The following BASP1 variants were observed in gnomAD, a reference collection of about 807,000 sequenced individuals.
BASP1 encodes brain abundant membrane attached signal protein 1.
A neutral mutation model predicts 2.2 loss-of-function variants in BASP1; 1 was observed. That is an observed-to-expected ratio of 0.46 (90% CI 0.16 to 2.17). BASP1 has a LOEUF of 2.17. Among genes scored for constraint, BASP1 ranks in the 30% most tolerant of loss-of-function variants. BASP1 has a pLI of 0.27. For synonymous variants in BASP1, 187 were observed against 154.2 expected, an observed-to-expected ratio of 1.21 and a Z score of -1.58; for missense variants, 352 against 327.2, an observed-to-expected ratio of 1.08 and a Z score of -0.58.
chr5:17,276,006 C>T lies in BASP1; in HGVS notation c.*106C>T, dbSNP rs1178112130. On this transcript the variant is annotated 3_prime_UTR_variant, in exon 2 of 2. Coordinates refer to ENST00000322611, the MANE Select transcript of BASP1 (RefSeq NM_006317.5). ...CTATCTCCTCTCTCTCTCTCCTCTC[C>T]TATCTCTCCTCTCTCTCTCTCCTAT... 1 of 970,490 alleles carries T rather than the reference C, an allele frequency of 1.0e-6. No homozygotes were observed. Among genetic ancestry groups the T allele is most frequent in the Non-Finnish European group, 1.4e-6 (1 of 697,040 alleles). 60.1% of individuals were successfully genotyped at this position (970,490 alleles called of 1,614,324 possible). A position where few individuals can be genotyped will look rare whatever the true frequency, so the allele number is the denominator to read the frequency against.
rs566532646 is a variant in BASP1 at position 17,263,281 on chromosome 5, T to C, written c.-9-11927T>C. Among the ~76,000 whole-genome samples the C allele has an allele frequency of 5.4e-5, 8 of 148,880 alleles. No individual in the cohort carries two copies. In the South Asian group the frequency reaches 1.7e-3, roughly 31 times the overall value. The stretch of plus-strand genomic sequence containing the variant: ...TTATGGGGTACAAAGTAGTATTACA[T>C]TTTTTTTTTAACATTTCTTTTCTTT... On this transcript the variant is annotated intron_variant, in intron 1 of 1. Transcript: ENST00000322611.
At chr5:17,248,651 T>C (rs540880222) in intron 1 of BASP1, among the ~76,000 whole-genome samples, 1 of 152,294 alleles carries the variant, frequency 6.6e-6, no homozygotes, top group Admixed American at 6.5e-5. Flanking sequence ...ACTTCGGTAT[T>C]CTTTTAAACT....
At chr5:17,263,003 C>T (rs570192867) in intron 1 of BASP1, among the ~76,000 whole-genome samples, 67 of 152,246 alleles carry the variant, frequency 4.4e-4, no homozygotes, top group African/African-American at 1.3e-3. Flanking sequence ...CCCGCCACCA[C>T]GCCCGGCTAA....
intron 1 of BASP1, among the ~76,000 whole-genome samples, chr5:17,257,314 A>C (rs1342125410): frequency 1.5e-5 from 1 of 65,800 alleles, no homozygotes; most frequent in Non-Finnish European, 2.9e-5. Context: ...AGAGTGATTA[A>C]AAAACAAAAC....
rs565822273 is a variant in BASP1, at chr5:17,261,760, T to C, written c.-9-13448T>C. Among the ~76,000 whole-genome samples the C allele has an allele frequency of 8.5e-5, 13 of 152,362 alleles. No individual in the cohort carries two copies. The East Asian group carries it at 2.1e-3, about 25-fold the overall frequency. On this transcript the variant is annotated intron_variant, in intron 1 of 1. Coordinates refer to ENST00000322611, the MANE Select transcript of BASP1 (RefSeq NM_006317.5). The stretch of plus-strand genomic sequence containing the variant: ...GATTTTTATCCTTTGTCTCATCCTA[T>C]CTTCCCATAGATATTTTCAGTTCTT...
In BASP1 at chr5:17,236,728, A is replaced by T. The variant is rs933019566; in HGVS notation, c.-10+18918A>T. 7.2e-5 allele frequency among the ~76,000 whole-genome samples: 11 copies of T among 152,314 alleles called. No individual in the cohort carries two copies. The highest frequency in any genetic ancestry group is 2.4e-4 in the African/African-American group (10 of 41,568). ...GAAATATTTTAATAATAGGAATTAA[A>T]GATATGAAGACCCTGATATCTGAAA... On this transcript the variant is annotated intron_variant, in intron 1 of 1. Transcript: ENST00000322611. This position sits in a 1 kb window ranked among gnomAD's most constrained non-coding sequence, Gnocchi z 4.0.
Position 17,236,324 on chromosome 5 carries a change from C to T in BASP1, c.-10+18514C>T, listed in dbSNP as rs1356278775. Among the ~76,000 whole-genome samples, 7 of 152,226 alleles carry T rather than the reference C, an allele frequency of 4.6e-5. No homozygotes were observed. The highest frequency in any genetic ancestry group is 2.1e-4 in the South Asian group (1 of 4,824). On this transcript the variant is annotated intron_variant, in intron 1 of 1. Transcript: ENST00000322611. This position sits in a 1 kb window ranked among gnomAD's most constrained non-coding sequence, Gnocchi z 4.0. ...TGTTGCCCAGGCTGGAGTGTAATGG[C>T]GTGATCTCGGCTCACTGTGGCCTCT...
intron 1 of BASP1, among the ~76,000 whole-genome samples, chr5:17,258,197 G>A (rs894783672): frequency 5.3e-5 from 8 of 152,110 alleles, no homozygotes; most frequent in Non-Finnish European, 1.0e-4. Context: ...CACTGGGGCC[G>A]ACACCACCTG....
intron 1 of BASP1, among the ~76,000 whole-genome samples, chr5:17,249,130 T>C (rs1395812314): frequency 6.6e-6 from 1 of 152,184 alleles, no homozygotes; most frequent in East Asian, 1.9e-4. Flanking sequence ...TTTTACACTT[T>C]CATGGCCCTT....
chr5:17,218,638 C>A (rs1739320428), intron 1 of BASP1, among the ~76,000 whole-genome samples: 1 of 152,070 alleles, frequency 6.6e-6, no homozygotes, highest in Non-Finnish European at 1.5e-5. Context: ...TGACAGCGCG[C>A]GGCCCTAACT....
At position 17,274,844 on chromosome 5, in the gene BASP1, A is replaced by G. The variant is rs550034841; in HGVS notation, c.-9-364A>G. ...TTCTTTTTAAAATTTTTAACTTTTA[A>G]TTGTGTAATAACAGTGTAATATAAT... On this transcript the variant is annotated intron_variant, in intron 1 of 1. Transcript: ENST00000322611. 2.6e-4 allele frequency among the ~76,000 whole-genome samples: 39 copies of G among 152,214 alleles called. No homozygotes were observed. In the South Asian group the frequency reaches 7.9e-3, roughly 31 times the overall value.
chr5:17,275,978 T>TCTCTCTCTCC lies in BASP1; in HGVS notation c.*82_*83insCTCTCCCTCT. ...CTCTCTCTCTCTCTCTCTATCTCTC[T>TCTCTCTCTCC]CTCTATCTCCTCTCTCTCTCTCCTC... On this transcript the variant is annotated 3_prime_UTR_variant, in exon 2 of 2. Transcript: ENST00000322611. This position sits in a 1 kb window ranked among gnomAD's most constrained non-coding sequence, Gnocchi z 5.3. 7.9e-7 allele frequency: 1 copy of TCTCTCTCTCC among 1,272,628 alleles called. No individual in the cohort carries two copies. The allele number at this position is 1,272,628 out of a possible 1,614,324, so 78.8% of individuals were successfully genotyped here. A position where few individuals can be genotyped will look rare whatever the true frequency, so the allele number is the denominator to read the frequency against.
At chr5:17,240,166 A>ATAAATAAATAAATAAC (rs1027606785) in intron 1 of BASP1, among the ~76,000 whole-genome samples, 1 of 147,176 alleles carries the variant, frequency 6.8e-6, no homozygotes, top group South Asian at 2.1e-4. Flanking sequence ...AAATAAATAA[A>ATAAATAAATAAATAAC]TAACAGGTTG....
chr5:17,225,707 C>G (rs1307969215), intron 1 of BASP1, among the ~76,000 whole-genome samples: 1 of 152,136 alleles, frequency 6.6e-6, no homozygotes, highest in African/African-American at 2.4e-5. Flanking sequence ...TGCTCGGGGC[C>G]CTCTTGGCAG....
Position 17,240,158 on chromosome 5 carries a change from A to T in BASP1, c.-10+22348A>T, listed in dbSNP as rs144864381. Among the ~76,000 whole-genome samples, 472 of 151,860 alleles carry T rather than the reference A, an allele frequency of 3.1e-3. 4 individuals are homozygous for T. Among genetic ancestry groups the T allele is most frequent in the African/African-American group, 0.011 (452 of 41,446 alleles). On this transcript the variant is annotated intron_variant, in intron 1 of 1. Coordinates refer to ENST00000322611, the MANE Select transcript of BASP1 (RefSeq NM_006317.5). Reference sequence around the variant, plus strand: ...GATAAATAAATAAATAAATAAATAAATAAATAAATAACAGGTTGGAGCCCA... The same window carrying T: ...GATAAATAAATAAATAAATAAATAATTAAATAAATAACAGGTTGGAGCCCA...
intron 1 of BASP1, among the ~76,000 whole-genome samples, chr5:17,274,365 C>T (rs1360474476): frequency 6.6e-6 from 1 of 152,102 alleles, no homozygotes; most frequent in African/African-American, 2.4e-5. Flanking sequence ...GTTTACCTTA[C>T]GTGTTTGAAG....
chr5:17,271,671 G>C (rs1401605735), intron 1 of BASP1, among the ~76,000 whole-genome samples: 3 of 152,156 alleles, frequency 2.0e-5, no homozygotes, highest in Non-Finnish European at 1.5e-5. Flanking sequence ...AGCATGGATT[G>C]TCTATTGCTG....
intron 1 of BASP1, among the ~76,000 whole-genome samples, chr5:17,238,665 T>C (rs1739796533): frequency 6.6e-6 from 1 of 152,232 alleles, no homozygotes; most frequent in Admixed American, 6.5e-5. Flanking sequence ...ATCTCTTCCC[T>C]AGTTTGTCAT....
chr5:17,236,739 C>T lies in BASP1; in HGVS notation c.-10+18929C>T, dbSNP rs1739755439. Among the ~76,000 whole-genome samples the T allele has an allele frequency of 5.3e-5, 8 of 152,040 alleles. No individual in the cohort carries two copies. The South Asian group carries it at 1.5e-3, about 28-fold the overall frequency. On this transcript the variant is annotated intron_variant, in intron 1 of 1. Coordinates refer to ENST00000322611, the MANE Select transcript of BASP1 (RefSeq NM_006317.5). The surrounding 1 kb of genome is among the most constrained non-coding windows in gnomAD (Gnocchi z 4.0). ...ATAATAGGAATTAAAGATATGAAGA[C>T]CCTGATATCTGAAAGCTGAGTGGTT...
Sources: gnomAD v4.1 joint callset for allele counts (sites outside exome capture counted in the v4.1 genomes callset) on GRCh38, gnomAD v4.1.1 for gene constraint, Gnocchi (gnomAD v3.1) non-coding constraint, MANE v1.5 for transcripts, NCBI Gene and HGNC (gene_info 2026-07-23, HGNC 2026-07-21) for gene names.